Variants in AFF1 observed in about 807,000 individuals in gnomAD.
AFF1 encodes the protein AF4/FMR2 family member 1.
AFF1 carries 48 observed loss-of-function variants against 121.7 expected under a neutral mutation model. That is an observed-to-expected ratio of 0.39 (90% CI 0.31 to 0.50). The LOEUF (loss-of-function observed/expected upper bound fraction) is 0.50. Ranked by LOEUF, AFF1 falls within the 20% of genes least tolerant of loss-of-function variation. AFF1 has a pLI of 0.76. For missense variants in AFF1, 1,523 were observed against 1,511.7 expected, an observed-to-expected ratio of 1.01 and a Z score of -0.12; for synonymous variants, 613 against 563.0, an observed-to-expected ratio of 1.09 and a Z score of -1.26.
At chr4:86,964,030 C>G (rs1229393640) in intron 2 of AFF1, among the ~76,000 whole-genome samples, 1 of 142,748 alleles carries the variant, frequency 7.0e-6, no homozygotes, top group Non-Finnish European at 1.5e-5. Context: ...GTTGCCCAAG[C>G]TAGTTCTGAA....
At chr4:87,064,712 C>T (rs1436903409) in intron 4 of AFF1, among the ~76,000 whole-genome samples, 2 of 152,010 alleles carry the variant, frequency 1.3e-5, no homozygotes, top group Non-Finnish European at 2.9e-5. Flanking sequence ...AACCCTGTCT[C>T]TACTAAAAAT....
chr4:86,990,478 C>A (rs1278831272), intron 2 of AFF1, among the ~76,000 whole-genome samples: 1 of 152,078 alleles, frequency 6.6e-6, no homozygotes. Context: ...TAAGACTAAT[C>A]TCTGGAGAGC....
intron 11 of AFF1, among the ~76,000 whole-genome samples, chr4:87,109,941 A>G (rs1348402061): frequency 6.6e-6 from 1 of 152,168 alleles, no homozygotes; most frequent in Non-Finnish European, 1.5e-5. Flanking sequence ...GGAATATTTT[A>G]TCTTTGTTTA....
Position 87,006,351 on chromosome 4 carries a change from C to T in AFF1, c.39-39815C>T, listed in dbSNP as rs374550906. 1.1e-4 allele frequency among the ~76,000 whole-genome samples: 16 copies of T among 152,276 alleles called. No homozygotes were observed. In the East Asian group the frequency reaches 2.3e-3, roughly 22 times the overall value. ...CACGGCTTAAACGCTTTCCATGGTC[C>T]TCTGAGTAGGAAGTGATTTCGTTTG... On this transcript the variant is annotated intron_variant, in intron 2 of 20. Transcript: ENST00000395146.
intron 1 of AFF1, among the ~76,000 whole-genome samples, chr4:86,941,518 C>T (rs1299749205): frequency 6.6e-6 from 1 of 151,976 alleles, no homozygotes; most frequent in Non-Finnish European, 1.5e-5. Flanking sequence ...AATTAGCCGG[C>T]GTGGTAGCAC....
chr4:86,962,145 C>CTTTTTTTTTTTT (rs3035474), intron 2 of AFF1, among the ~76,000 whole-genome samples: 3 of 122,578 alleles, frequency 2.4e-5, no homozygotes, highest in African/African-American at 3.0e-5. Context: ...GTTATTGTTT[C>CTTTTTTTTTTTT]TTTTTTTTTT....
intron 15 of AFF1, 50 bp downstream of exon 15, chr4:87,127,167 C>CCT (rs1560657502): frequency 4.0e-6 from 4 of 998,086 alleles, no homozygotes; most frequent in East Asian, 3.5e-5. Flanking sequence ...TGTTTTGCTT[C>CCT]CCCCCCCCAC....
At chr4:87,089,398 C>T (rs189662730) in intron 5 of AFF1, among the ~76,000 whole-genome samples, 66 of 152,262 alleles carry the variant, frequency 4.3e-4, no homozygotes, top group African/African-American at 1.5e-3. Flanking sequence ...TTAAGCTTCT[C>T]AATGGAAAAG....
At chr4:86,980,763 A>T (rs1314837236) in intron 2 of AFF1, among the ~76,000 whole-genome samples, 1 of 152,242 alleles carries the variant, frequency 6.6e-6, no homozygotes, top group Admixed American at 6.5e-5. Flanking sequence ...AGAGAACGAT[A>T]GAAGCTAGAC....
rs760096762 is a variant in AFF1 at position 87,125,103 on chromosome 4, T to C, written c.2533T>C (p.Ser845Pro). 3.7e-5 allele frequency: 59 copies of C among 1,609,724 alleles called. No individual in the cohort carries two copies. The South Asian group carries it at 6.4e-4, about 18-fold the overall frequency. ...GGAGAAGGAAATCAAATCACAGTCA[T>C]CTTCATCTTCATCCTCCCACAAAGA... ...RLEKEIKSQS[S>P]SSSSSHKESS... The change falls in exon 13 of 21, where the codon TCT (serine) becomes CCT (proline). Residue 845 changes from serine to proline, a missense_variant. Around this residue, in one of 5 missense-constraint regions of AFF1, gnomAD observed 905 missense variants for 842.5 expected, o/e 1.07. Coordinates refer to ENST00000395146, the MANE Select transcript of AFF1 (RefSeq NM_001166693.3).
At chr4:87,099,963 A>G (rs915163724) in intron 8 of AFF1, among the ~76,000 whole-genome samples, 2 of 152,124 alleles carry the variant, frequency 1.3e-5, no homozygotes, top group African/African-American at 2.4e-5. Context: ...GGCTTGACAG[A>G]TTATGCTGTA....
chr4:86,937,415 T>C (rs1165127221), intron 1 of AFF1, among the ~76,000 whole-genome samples: 1 of 152,240 alleles, frequency 6.6e-6, no homozygotes, highest in African/African-American at 2.4e-5. Flanking sequence ...ATATCAAAAC[T>C]AGCTGTCTCT....
At chr4:86,964,635 C>T (rs7694214) in intron 2 of AFF1, among the ~76,000 whole-genome samples, 143,084 of 151,784 alleles carry the variant, frequency 0.94, 67,887 homozygotes, top group Non-Finnish European at 1. Context: ...GGTTTCTCCA[C>T]GTTGGTCAGG....
intron 4 of AFF1, among the ~76,000 whole-genome samples, chr4:87,051,525 A>T (rs537467323): frequency 2.6e-5 from 4 of 151,448 alleles, no homozygotes; most frequent in African/African-American, 7.3e-5. Context: ...CAATGGCGCA[A>T]TCTTGGCTCA....
At position 87,138,117 on chromosome 4, in the gene AFF1, T is replaced by G; in HGVS notation, c.*2416T>G. 1 of 232,196 alleles carries G rather than the reference T, an allele frequency of 4.3e-6. No individual in the cohort carries two copies. The highest frequency in any genetic ancestry group is 8.5e-6 in the Non-Finnish European group (1 of 117,410). 14.4% of individuals were successfully genotyped at this position (232,196 alleles called of 1,614,324 possible). A position where few individuals can be genotyped will look rare whatever the true frequency, so the allele number is the denominator to read the frequency against. On this transcript the variant is annotated 3_prime_UTR_variant, in exon 21 of 21. Transcript: ENST00000395146. Reference sequence around the variant, plus strand: ...GTGCATAGATCAATTTGTACTACTTTGGTCATTGGATATTTCTGATCCTTA... The same window carrying G: ...GTGCATAGATCAATTTGTACTACTTGGGTCATTGGATATTTCTGATCCTTA...
chr4:86,998,021 C>G (rs942181873), intron 2 of AFF1, among the ~76,000 whole-genome samples: 1 of 144,670 alleles, frequency 6.9e-6, no homozygotes, highest in East Asian at 2.1e-4. Context: ...TCGCTTGAAC[C>G]CAGCAGGCGG....
intron 2 of AFF1, among the ~76,000 whole-genome samples, chr4:86,968,826 G>A (rs571883469): frequency 1.3e-5 from 2 of 152,312 alleles, no homozygotes; most frequent in African/African-American, 4.8e-5. Flanking sequence ...AGAATCAACA[G>A]GTGTCACTTT....
At chr4:87,132,245 A>C in intron 18 of AFF1, 26 bp from the exon 19 acceptor site, 1 of 1,603,622 alleles carries the variant, frequency 6.2e-7, no homozygotes, top group Non-Finnish European at 8.5e-7. Flanking sequence ...AGTCACGTGC[A>C]GTTTCACTTC....
intron 4 of AFF1, among the ~76,000 whole-genome samples, chr4:87,071,003 A>G (rs1721981809): frequency 6.6e-6 from 1 of 152,204 alleles, no homozygotes; most frequent in African/African-American, 2.4e-5. Context: ...AAAAGCAGTG[A>G]GAAAGGAAGA....
Sources: allele counts gnomAD v4.1 joint callset (sites outside exome capture counted in the v4.1 genomes callset), GRCh38; gene constraint gnomAD v4.1.1; regional missense constraint gnomAD v4.1.1; transcripts MANE v1.5; gene names NCBI Gene and HGNC (gene_info 2026-07-23, HGNC 2026-07-21).